AGO1: variants seen among roughly 807,000 people sequenced by gnomAD.
AGO1 encodes protein argonaute-1.
A neutral mutation model predicts 109.2 loss-of-function variants in AGO1; 11 were observed. The observed-to-expected ratio is 0.10, with a 90% confidence interval of 0.06 to 0.17. The LOEUF is 0.17. Ranked by LOEUF, AGO1 falls within the 10% of genes least tolerant of loss-of-function variation. The probability of loss-of-function intolerance (pLI) is 1.00; values close to 1 mark genes in which losing one functional copy is unlikely to be tolerated. For missense variants in AGO1, 574 were observed against 1,140.3 expected (o/e 0.50, Z 7.15); for synonymous variants, 422 against 418.6 (o/e 1.01, Z -0.10).
At chr1:35,915,091 G>A (rs890097675) in intron 14 of AGO1, among the ~76,000 whole-genome samples, 3 of 152,158 alleles carry the variant, frequency 2.0e-5, no homozygotes, top group Non-Finnish European at 2.9e-5. Flanking sequence ...GCTACGTCCT[G>A]TGTAAGGTGC....
chr1:35,908,229 G>A (rs996849294), intron 12 of AGO1, among the ~76,000 whole-genome samples: 1 of 152,098 alleles, frequency 6.6e-6, no homozygotes, highest in African/African-American at 2.4e-5. Flanking sequence ...AATCTCCTCT[G>A]CACAGGATTG....
chr1:35,887,493 C>G (rs1484183197), intron 1 of AGO1, among the ~76,000 whole-genome samples: 1 of 152,176 alleles, frequency 6.6e-6, no homozygotes, highest in Non-Finnish European at 1.5e-5. Context: ...CCAAGGGCCT[C>G]CTCTGTCTTG....
chr1:35,889,061 A>G (rs1316788703), intron 2 of AGO1, among the ~76,000 whole-genome samples: 1 of 151,446 alleles, frequency 6.6e-6, no homozygotes, highest in African/African-American at 2.4e-5. Flanking sequence ...AATGAATGGG[A>G]TGTCCTTGAT....
rs772438156 is a variant in AGO1 at position 35,926,825 on chromosome 1, A to G, written c.*7218A>G. 1.7e-4 allele frequency: 26 copies of G among 152,214 alleles called. No individual in the cohort carries two copies. Among genetic ancestry groups the G allele is most frequent in the Middle Eastern group, 3.4e-3 (1 of 294 alleles). The allele number at this position is 152,214 out of a possible 1,614,324, so 9.4% of individuals were successfully genotyped here. A position where few individuals can be genotyped will look rare whatever the true frequency, so the allele number is the denominator to read the frequency against. On this transcript the variant is annotated 3_prime_UTR_variant, in exon 19 of 19. Transcript: ENST00000373204. ...CTTACGCACAACTGCCTTCTCCAGTATATCATACCAAGGTTTTTTAGGCCT... is the reference window on the plus strand; with the variant it reads ...CTTACGCACAACTGCCTTCTCCAGTGTATCATACCAAGGTTTTTTAGGCCT...
At chr1:35,912,595 C>T (rs140601853) in intron 12 of AGO1, among the ~76,000 whole-genome samples, 17 of 152,056 alleles carry the variant, frequency 1.1e-4, no homozygotes, top group African/African-American at 1.9e-4. Flanking sequence ...TTTTCTGAGA[C>T]GGAGTCTTGC....
chr1:35,883,929 G>A lies in AGO1; in HGVS notation c.25+483G>A, dbSNP rs1455998156. Among the ~76,000 whole-genome samples the A allele has an allele frequency of 6.6e-6, 1 of 152,254 alleles. No homozygotes were observed. Among genetic ancestry groups the A allele is most frequent in the Non-Finnish European group, 1.5e-5 (1 of 68,040 alleles). ...GCCCCACTGGGCCTGACGCGAGGGC[G>A]AGGGTCAGGGGGCGGTGGGTGGGGA... is the stretch of plus-strand genomic sequence containing the variant. On this transcript the variant is annotated intron_variant, in intron 1 of 18. Transcript: ENST00000373204. This position sits in a 1 kb window ranked among gnomAD's most constrained non-coding sequence, Gnocchi z 5.4.
chr1:35,874,089 G>A (rs1045523330), intron 1 of AGO1, among the ~76,000 whole-genome samples: 1 of 152,176 alleles, frequency 6.6e-6, no homozygotes, highest in Non-Finnish European at 1.5e-5. Context: ...GACCTGTGAT[G>A]TTACTATTGC....
intron 10 of AGO1, 24 bp from the exon 11 acceptor site, chr1:35,902,180 G>A: frequency 1.9e-6 from 3 of 1,608,278 alleles, no homozygotes; most frequent in Non-Finnish European, 2.6e-6. Flanking sequence ...GGCTCACCTA[G>A]GCGCCCCCTC....
chr1:35,896,731 A>G (rs1033598227), intron 8 of AGO1, among the ~76,000 whole-genome samples: 5 of 152,192 alleles, frequency 3.3e-5, no homozygotes, highest in African/African-American at 4.8e-5. Context: ...GTGAGCTTCT[A>G]GGATTTCAGA....
upstream of AGO1, among the ~76,000 whole-genome samples, chr1:35,881,460 A>G (rs1213818716): frequency 6.6e-6 from 1 of 152,074 alleles, no homozygotes. Flanking sequence ...AGCTGGGATT[A>G]CAGGTGTCTG....
chr1:35,870,785 T>G (rs1041452902), intron 1 of AGO1, among the ~76,000 whole-genome samples: 8 of 152,372 alleles, frequency 5.3e-5, no homozygotes, highest in African/African-American at 1.7e-4. Context: ...TCTTGACATT[T>G]GAGTTTACCC....
chr1:35,897,846 C>A (rs1018443568), intron 8 of AGO1, among the ~76,000 whole-genome samples: 1 of 152,230 alleles, frequency 6.6e-6, no homozygotes, highest in African/African-American at 2.4e-5. Flanking sequence ...GCCATCACCA[C>A]TATCTGATTC....
At position 35,917,246 on chromosome 1, in the gene AGO1, G is replaced by A. The variant is rs1426987553; in HGVS notation, c.2029-347G>A. 2.0e-5 allele frequency among the ~76,000 whole-genome samples: 3 copies of A among 152,140 alleles called. No individual in the cohort carries two copies. In the East Asian group the frequency reaches 5.8e-4, roughly 29 times the overall value. ...AAAGGAGAACTCTCATTAGTCACCT[G>A]ATCCTGTGTGAAACTAACTTTGGGC... is the stretch of plus-strand genomic sequence containing the variant. On this transcript the variant is annotated intron_variant, in intron 15 of 18. Transcript: ENST00000373204.
upstream of AGO1, among the ~76,000 whole-genome samples, chr1:35,879,127 T>C (rs658147): frequency 0.11 from 17,010 of 152,220 alleles, 2,569 homozygotes; most frequent in East Asian, 0.68. Flanking sequence ...TATCAGGGAT[T>C]ACTGAAAGAA....
rs184113087 is a variant in AGO1, at chr1:35,874,380, G to A, written c.-201+4477G>A. ...GTTGTAGAGATGGAGTCTCACTATA[G>A]TGCCCAGGCCGGTCTCAAACTCCTG... On this transcript the variant is annotated intron_variant, in intron 1 of 18. Transcript: ENST00000373206. Among the ~76,000 whole-genome samples, 48 of 152,204 alleles carry A rather than the reference G, an allele frequency of 3.2e-4. 1 individual carries two copies. Among genetic ancestry groups the A allele is most frequent in the Middle Eastern group, 3.4e-3 (1 of 294 alleles).
rs961524860 is a variant in AGO1 at position 35,901,083 on chromosome 1, C to T, written c.1021-391C>T. 5.9e-5 allele frequency among the ~76,000 whole-genome samples: 9 copies of T among 151,306 alleles called. No individual in the cohort carries two copies. The highest frequency in any genetic ancestry group is 6.8e-3 in the Middle Eastern group (2 of 294). ...TGCAACCTCCGCCTCCCGGTTCAAG[C>T]GATTCTTGTTCCTCAGCCTCCTGAG... is the stretch of plus-strand genomic sequence containing the variant. On this transcript the variant is annotated intron_variant, in intron 8 of 18. Transcript: ENST00000373204. This position sits in a 1 kb window ranked among gnomAD's most constrained non-coding sequence, Gnocchi z 4.8.
In AGO1 at chr1:35,901,955, A is replaced by G. The variant is rs2148715571; in HGVS notation, c.1148A>G (p.Asn383Ser). 5 of 1,589,314 alleles carry G rather than the reference A, an allele frequency of 3.1e-6. No individual in the cohort carries two copies. Among genetic ancestry groups the G allele is most frequent in the East Asian group, 4.5e-5 (2 of 44,748 alleles). ...RQEEISRLMKNASYNLDPYIQ... is the reference protein window; with the variant it reads ...RQEEISRLMKSASYNLDPYIQ... ...CTCTCTTTTGTCCTGCAGATGAAGA[A>G]TGCCAGCTACAACTTAGATCCCTAC... Residue 383 changes from asparagine to serine, a missense_variant, in exon 10 of 19, where the codon AAT becomes AGT. By Grantham distance (46) the Asn-to-Ser change is conservative. This residue lies in a region of AGO1 where 106 missense variants were observed against 147.8 expected (regional missense o/e 0.72). Coordinates refer to ENST00000373204, the MANE Select transcript of AGO1 (RefSeq NM_012199.5). This position sits in a 1 kb window ranked among gnomAD's most constrained non-coding sequence, Gnocchi z 4.8.
chr1:35,884,323 C>G (rs541973481), intron 1 of AGO1, among the ~76,000 whole-genome samples: 7 of 152,132 alleles, frequency 4.6e-5, no homozygotes, highest in Admixed American at 4.6e-4. Context: ...GGGGGTGGGT[C>G]CTCCTGAAGA....
rs904567735 is a variant in AGO1, at chr1:35,923,444, G to A, written c.*3837G>A. On this transcript the variant is annotated 3_prime_UTR_variant, in exon 19 of 19. Transcript: ENST00000373204. ...GGTTGGACGTTTCTTCCCCATCAGG[G>A]TAGAAAAATCATCTCAAACTAGCCA... is the stretch of plus-strand genomic sequence containing the variant. 1 of 152,742 alleles carries A rather than the reference G, an allele frequency of 6.5e-6. No homozygotes were observed. Among genetic ancestry groups the A allele is most frequent in the South Asian group, 2.1e-4 (1 of 4,830 alleles). The allele number at this position is 152,742 out of a possible 1,614,324, so 9.5% of individuals were successfully genotyped here.
Sources: allele counts gnomAD v4.1 joint callset (sites outside exome capture counted in the v4.1 genomes callset), GRCh38; gene constraint gnomAD v4.1.1; regional missense constraint gnomAD v4.1.1; non-coding constraint Gnocchi (gnomAD v3.1); transcripts MANE v1.5; gene names NCBI Gene and HGNC (gene_info 2026-07-23, HGNC 2026-07-21).